Variants in PLCH1 observed in about 807,000 individuals in gnomAD.
PLCH1 encodes the protein phospholipase C eta 1.
A neutral mutation model predicts 126.7 loss-of-function variants in PLCH1; 60 were observed. The ratio of observed to expected loss-of-function variants is 0.47; its 90% CI spans 0.38 to 0.59. PLCH1 has a LOEUF of 0.59. Ranked by LOEUF, PLCH1 falls within the 20% of genes least tolerant of loss-of-function variation. The pLI, the probability that PLCH1 is intolerant of heterozygous loss-of-function variation, is 0.00. For synonymous variants in PLCH1, 719 were observed against 734.9 expected (o/e 0.98, Z 0.35); for missense variants, 1,723 against 2,040.0 (o/e 0.84, Z 2.99).
intron 21 of PLCH1, among the ~76,000 whole-genome samples, chr3:155,472,406 T>C (rs1372528510): frequency 6.6e-6 from 1 of 152,130 alleles, no homozygotes; most frequent in Non-Finnish European, 1.5e-5. Context: ...AATAGATCAA[T>C]AACAGGAGCT....
At chr3:155,549,401 G>A (rs1725809399) in intron 10 of PLCH1, among the ~76,000 whole-genome samples, 1 of 152,054 alleles carries the variant, frequency 6.6e-6, no homozygotes, top group Admixed American at 6.6e-5. Flanking sequence ...ACAGTTATTG[G>A]AGCTTGAAAT....
intron 2 of PLCH1, among the ~76,000 whole-genome samples, chr3:155,609,335 A>T (rs947061054): frequency 4.6e-5 from 7 of 152,306 alleles, no homozygotes; most frequent in Non-Finnish European, 2.9e-5. Flanking sequence ...CCATCCCTGG[A>T]GGAAGCAGGA....
chr3:155,682,705 A>G (rs753387608), intron 2 of PLCH1, among the ~76,000 whole-genome samples: 21 of 152,194 alleles, frequency 1.4e-4, no homozygotes, highest in Admixed American at 3.9e-4. Flanking sequence ...TGGGCTTTCT[A>G]ATCCAAACAC....
At chr3:155,552,566 G>A (rs1171613625) in intron 9 of PLCH1, among the ~76,000 whole-genome samples, 4 of 152,154 alleles carry the variant, frequency 2.6e-5, no homozygotes, top group Admixed American at 6.5e-5. Flanking sequence ...AACAGCATAC[G>A]TAAGAGTGGG....
intron 21 of PLCH1, among the ~76,000 whole-genome samples, chr3:155,469,223 C>A (rs1713058347): frequency 6.6e-6 from 1 of 152,060 alleles, no homozygotes; most frequent in African/African-American, 2.4e-5. Context: ...GTGTGCGCAC[C>A]GTGTGCGAGC....
At chr3:155,517,272 A>T (rs1297112039) in intron 11 of PLCH1, among the ~76,000 whole-genome samples, 1 of 152,090 alleles carries the variant, frequency 6.6e-6, no homozygotes, top group Non-Finnish European at 1.5e-5. Context: ...ATGCCACATC[A>T]CTCCAGCCTG....
At chr3:155,684,311 G>C (rs577009977) in intron 2 of PLCH1, among the ~76,000 whole-genome samples, 1 of 152,106 alleles carries the variant, frequency 6.6e-6, no homozygotes, top group Non-Finnish European at 1.5e-5. Flanking sequence ...CTAGATTATT[G>C]AACACAACAG....
intron 2 of PLCH1, among the ~76,000 whole-genome samples, chr3:155,671,371 A>T (rs917455068): frequency 6.6e-6 from 1 of 152,186 alleles, no homozygotes; most frequent in Non-Finnish European, 1.5e-5. Context: ...TTTTCCTCTG[A>T]TGCTATGTTC....
At chr3:155,543,406 G>A (rs563449126) in intron 10 of PLCH1, among the ~76,000 whole-genome samples, 225 of 152,176 alleles carry the variant, frequency 1.5e-3, no homozygotes, top group African/African-American at 5.2e-3. Flanking sequence ...CCAAATCTAC[G>A]TCTGATTGGT....
intron 4 of PLCH1, 85 bp downstream of exon 4, chr3:155,593,856 C>G (rs1367083743): frequency 1.5e-6 from 2 of 1,354,166 alleles, no homozygotes; most frequent in Non-Finnish European, 2.0e-6. Flanking sequence ...AAAATTAAAA[C>G]ATAGTCTAAT....
chr3:155,646,744 C>G (rs1740104818), intron 2 of PLCH1, among the ~76,000 whole-genome samples: 1 of 152,160 alleles, frequency 6.6e-6, no homozygotes, highest in Non-Finnish European at 1.5e-5. Context: ...TGAACCTCCT[C>G]CCTAACGAGT....
chr3:155,478,416 A>G (rs771806943), downstream of PLCH1, among the ~76,000 whole-genome samples: 12 of 152,200 alleles, frequency 7.9e-5, no homozygotes, highest in Non-Finnish European at 1.8e-4. Flanking sequence ...TCGTAAGTCA[A>G]TGGGTAAGTC....
At chr3:155,552,526 C>A (rs950541090) in intron 9 of PLCH1, among the ~76,000 whole-genome samples, 1 of 152,116 alleles carries the variant, frequency 6.6e-6, no homozygotes, top group Non-Finnish European at 1.5e-5. Flanking sequence ...ATCAGATAGA[C>A]TAACGGGGAA....
intron 14 of PLCH1, 73 bp from the exon 15 acceptor site, chr3:155,497,490 T>C: frequency 1.9e-6 from 2 of 1,049,350 alleles, no homozygotes; most frequent in South Asian, 1.3e-5. Flanking sequence ...TATCCCACTT[T>C]CCTTATTTAA....
At chr3:155,491,316 T>C (rs1247142889) in intron 18 of PLCH1, among the ~76,000 whole-genome samples, 1 of 152,146 alleles carries the variant, frequency 6.6e-6, no homozygotes, top group East Asian at 1.9e-4. Context: ...CAGGTCGGAG[T>C]GCAGTGGCAT....
chr3:155,637,105 C>T (rs1418854433), intron 2 of PLCH1, among the ~76,000 whole-genome samples: 2 of 152,172 alleles, frequency 1.3e-5, no homozygotes, highest in Non-Finnish European at 2.9e-5. Context: ...AAATTATATA[C>T]TTTTAGAACA....
chr3:155,695,298 T>G (rs989101223), intron 2 of PLCH1, among the ~76,000 whole-genome samples: 1 of 152,236 alleles, frequency 6.6e-6, no homozygotes, highest in Non-Finnish European at 1.5e-5. Context: ...TACAGTCTTT[T>G]CTAAGGCACA....
intron 1 of PLCH1, among the ~76,000 whole-genome samples, chr3:155,714,489 A>T (rs1747368820): frequency 6.6e-6 from 1 of 152,230 alleles, no homozygotes; most frequent in South Asian, 2.1e-4. Flanking sequence ...CTCTGCAAAC[A>T]GCCTAATTCC....
chr3:155,568,484 G>A (rs1728799314), intron 6 of PLCH1, among the ~76,000 whole-genome samples, 160 bp from the exon 7 acceptor site: 1 of 152,164 alleles, frequency 6.6e-6, no homozygotes. Flanking sequence ...TATCTTTGGA[G>A]AATGACCATG....
Sources: allele counts gnomAD v4.1 joint callset (sites outside exome capture counted in the v4.1 genomes callset), GRCh38; gene constraint gnomAD v4.1.1; transcripts MANE v1.5; gene names NCBI Gene and HGNC (gene_info 2026-07-23, HGNC 2026-07-21).